HNF4G: variants seen among roughly 807,000 people sequenced by gnomAD.
HNF4G encodes the protein hepatocyte nuclear factor 4-gamma.
A neutral mutation model predicts 50.9 loss-of-function variants in HNF4G; 21 were observed. The observed-to-expected ratio is 0.41, with a 90% CI of 0.29 to 0.59. HNF4G has a LOEUF of 0.59. Among genes scored for constraint, HNF4G ranks in the 20% least tolerant of loss-of-function variants. The probability of loss-of-function intolerance (pLI) is 0.26; values close to 1 mark genes in which losing one functional copy is unlikely to be tolerated. For synonymous variants in HNF4G, 198 were observed against 185.6 expected, an observed-to-expected ratio of 1.07 and a Z score of -0.54; for missense variants, 527 against 559.4, an observed-to-expected ratio of 0.94 and a Z score of 0.58.
At chr8:75,472,183 A>G (rs1812129827) in intron 1 of HNF4G, among the ~76,000 whole-genome samples, 1 of 152,088 alleles carries the variant, frequency 6.6e-6, no homozygotes, top group South Asian at 2.1e-4. Context: ...TCATCCTCCT[A>G]TCTCAACTTT....
upstream of HNF4G, among the ~76,000 whole-genome samples, chr8:75,537,229 CTTTTATTTTATTTTA>C (rs67262167): frequency 6.6e-5 from 10 of 150,950 alleles, no homozygotes; most frequent in East Asian, 2.0e-4. Flanking sequence ...CATTAAAAGG[CTTTTATTTTATTTTA>C]TTTTATTTTA....
intron 2 of HNF4G, among the ~76,000 whole-genome samples, chr8:75,491,722 C>T (rs958255214): frequency 5.3e-5 from 8 of 152,140 alleles, no homozygotes; most frequent in Admixed American, 1.3e-4. Flanking sequence ...GTGATCCATC[C>T]GTCTTGGCCT....
chr8:75,451,229 T>C (rs1811577608), intron 1 of HNF4G, among the ~76,000 whole-genome samples: 1 of 152,212 alleles, frequency 6.6e-6, no homozygotes, highest in Non-Finnish European at 1.5e-5. Flanking sequence ...TTGAGTTGTT[T>C]GAGTTCCTTA....
At chr8:75,447,818 CT>C (rs1811461201) in intron 1 of HNF4G, among the ~76,000 whole-genome samples, 2 of 96,224 alleles carry the variant, frequency 2.1e-5, no homozygotes, top group African/African-American at 4.1e-5. Context: ...AATAGGAACA[CT>C]TTTACACTGT....
chr8:75,408,116 C>G (rs1810407201), exon 1 of HNF4G: 1 of 152,686 alleles, frequency 6.5e-6, no homozygotes, highest in African/African-American at 2.4e-5. Context: ...AAAGCAGATA[C>G]CCCGAGGCCT....
intron 1 of HNF4G, among the ~76,000 whole-genome samples, chr8:75,438,311 A>G (rs1408099784): frequency 6.6e-6 from 1 of 152,130 alleles, no homozygotes; most frequent in Non-Finnish European, 1.5e-5. Flanking sequence ...CCTGGCTGCC[A>G]ATAACTATAA....
chr8:75,550,829 GC>G (rs1284892323), intron 3 of HNF4G, among the ~76,000 whole-genome samples: 1 of 151,902 alleles, frequency 6.6e-6, no homozygotes, highest in Non-Finnish European at 1.5e-5. Flanking sequence ...AGGAGAGACT[GC>G]TCCATGGTAC....
At chr8:75,503,402 A>G (rs954776321) in intron 2 of HNF4G, among the ~76,000 whole-genome samples, 1 of 152,174 alleles carries the variant, frequency 6.6e-6, no homozygotes, top group African/African-American at 2.4e-5. Flanking sequence ...TATTATTTTT[A>G]TTACTAATAG....
At position 75,558,592 on chromosome 8, in the gene HNF4G, C is replaced by T; in HGVS notation, c.808C>T (p.Leu270=). 1.2e-6 allele frequency: 2 copies of T among 1,613,614 alleles called. No homozygotes were observed. Among genetic ancestry groups the T allele is most frequent in the Non-Finnish European group, 1.7e-6 (2 of 1,179,558 alleles). The change falls in exon 7 of 10, where the codon CTG becomes TTG. Residue 270 remains leucine, a synonymous_variant. Transcript: ENST00000396423. ...TGTGGCCAATCGTGTTCTAGATGAG[C>T]TGGTTAGACCATTTCAAGAAATCCA... ...SRVANRVLDE[L]VRPFQEIQID...
In HNF4G at chr8:75,419,776, G is replaced by A. The variant is rs1038020285; in HGVS notation, c.-144+11614G>A. 6.6e-5 allele frequency among the ~76,000 whole-genome samples: 10 copies of A among 152,384 alleles called. No individual in the cohort carries two copies. The East Asian group carries it at 1.5e-3, about 23-fold the overall frequency. ...TCTGTTTTAAAACAGCGAGTGATTA[G>A]TTGTGTTATGGCTTTAGCCATCTTG... On this transcript the variant is annotated intron_variant, in intron 1 of 10. Coordinates refer to the HNF4G transcript ENST00000354370.
intron 1 of HNF4G, among the ~76,000 whole-genome samples, chr8:75,457,693 C>T (rs143538694): frequency 6.6e-6 from 1 of 152,168 alleles, no homozygotes; most frequent in Non-Finnish European, 1.5e-5. Flanking sequence ...TTCTGAAAGG[C>T]ATGTGGAATA....
At chr8:75,466,530 C>T (rs182580896) in intron 1 of HNF4G, among the ~76,000 whole-genome samples, 4 of 149,388 alleles carry the variant, frequency 2.7e-5, no homozygotes, top group African/African-American at 9.9e-5. Flanking sequence ...CCTTTCCTTC[C>T]TTCCTTCTCT....
intron 1 of HNF4G, among the ~76,000 whole-genome samples, chr8:75,540,628 C>T (rs1806590602): frequency 6.6e-6 from 1 of 152,046 alleles, no homozygotes; most frequent in South Asian, 2.1e-4. Flanking sequence ...CCTCACCTGA[C>T]AGGCTAATGT....
intron 1 of HNF4G, among the ~76,000 whole-genome samples, chr8:75,488,220 CTGT>C (rs1382209795): frequency 9.2e-5 from 14 of 152,272 alleles, no homozygotes; most frequent in African/African-American, 3.1e-4. Flanking sequence ...TTAGAAATCA[CTGT>C]TGTTAAATGT....
chr8:75,565,765 G>A lies in HNF4G; in HGVS notation c.*1669G>A, dbSNP rs1330782749. 1 of 151,960 alleles carries A rather than the reference G, an allele frequency of 6.6e-6. No homozygotes were observed. The highest frequency in any genetic ancestry group is 6.6e-5 in the Admixed American group (1 of 15,252). The allele number at this position is 151,960 out of a possible 1,614,324, so 9.4% of individuals were successfully genotyped here. The stretch of plus-strand genomic sequence containing the variant: ...GTCATATCTCCCACTTACCTTATAA[G>A]TAAAAAGGTTAATATCAAGTAACTT... On this transcript the variant is annotated 3_prime_UTR_variant, in exon 10 of 10. Transcript: ENST00000396423.
chr8:75,487,746 A>G (rs1478967775), intron 1 of HNF4G, among the ~76,000 whole-genome samples: 3 of 152,142 alleles, frequency 2.0e-5, no homozygotes, highest in Non-Finnish European at 4.4e-5. Flanking sequence ...TTCCCTCCAC[A>G]AAGATTGACT....
intron 1 of HNF4G, among the ~76,000 whole-genome samples, chr8:75,456,857 C>T (rs1811735895): frequency 6.6e-6 from 1 of 152,054 alleles, no homozygotes; most frequent in African/African-American, 2.4e-5. Flanking sequence ...TCCCCCACTT[C>T]AGGCTCCTGA....
At chr8:75,417,786 T>A (rs1306545494) in intron 1 of HNF4G, among the ~76,000 whole-genome samples, 1 of 152,186 alleles carries the variant, frequency 6.6e-6, no homozygotes, top group Non-Finnish European at 1.5e-5. Context: ...TAGAATAGAT[T>A]TTGTAAAACC....
At chr8:75,548,232 C>A (rs1016360062) in intron 3 of HNF4G, among the ~76,000 whole-genome samples, 14 of 152,018 alleles carry the variant, frequency 9.2e-5, no homozygotes, top group Non-Finnish European at 1.9e-4. Flanking sequence ...TAATCCACCC[C>A]TCTCAGCCTC....
Sources: allele counts gnomAD v4.1 joint callset (sites outside exome capture counted in the v4.1 genomes callset), GRCh38; gene constraint gnomAD v4.1.1; transcripts MANE v1.5; gene names NCBI Gene and HGNC (gene_info 2026-07-23, HGNC 2026-07-21).